The following LINGO2 variants were observed in gnomAD, a reference collection of about 807,000 sequenced individuals.
LINGO2 encodes leucine rich repeat and Ig domain containing 2, also known as leucine-rich repeat and immunoglobulin-like domain-containing nogo receptor-interacting protein 2.
LINGO2 carries 14 observed loss-of-function variants against 30.6 expected under a neutral mutation model. The ratio of observed to expected loss-of-function variants is 0.46; its 90% CI spans 0.30 to 0.72. LINGO2 has a LOEUF of 0.72. Among genes scored for constraint, LINGO2 ranks in the 30% least tolerant of loss-of-function variants. LINGO2 has a pLI of 0.07. For missense variants in LINGO2, 729 were observed against 751.7 expected, an observed-to-expected ratio of 0.97 and a Z score of 0.35; for synonymous variants, 317 against 288.5, an observed-to-expected ratio of 1.10 and a Z score of -1.00.
chr9:28,960,273 G>A, the LINGO2 span, among the ~76,000 whole-genome samples: 3,449 of 152,116 alleles, frequency 0.023, 134 homozygotes, highest in African/African-American at 0.078. Context: ...GCCAAGGCAC[G>A]AAGATTGCTT....
chr9:28,564,866 T>A (rs188653073), intron 1 of LINGO2, among the ~76,000 whole-genome samples: 153 of 152,184 alleles, frequency 1.0e-3, no homozygotes, highest in Admixed American at 5.6e-3. Context: ...GCTACGGTAT[T>A]GGACAGTGCC....
intron 1 of LINGO2, among the ~76,000 whole-genome samples, chr9:28,637,611 G>A (rs1340440684): frequency 6.6e-6 from 1 of 152,170 alleles, no homozygotes; most frequent in South Asian, 2.1e-4. Flanking sequence ...CTCATGATTT[G>A]GTTCTCTGTT....
At chr9:28,472,539 A>G (rs1023674104) in intron 2 of LINGO2, among the ~76,000 whole-genome samples, 4 of 152,154 alleles carry the variant, frequency 2.6e-5, no homozygotes, top group African/African-American at 9.6e-5. Flanking sequence ...TTAAAGAATA[A>G]GTAATTTCCA....
intron 4 of LINGO2, among the ~76,000 whole-genome samples, chr9:28,123,982 G>A (rs1037656872): frequency 7.2e-5 from 11 of 151,918 alleles, no homozygotes; most frequent in Non-Finnish European, 2.9e-5. Flanking sequence ...ATTCTTATAT[G>A]GAAAAAGCAC....
At chr9:28,676,993 T>G in the LINGO2 span, among the ~76,000 whole-genome samples, 15,636 of 152,174 alleles carry the variant, frequency 0.1, 1,022 homozygotes, top group East Asian at 0.2. Flanking sequence ...CTGTGTCTTG[T>G]ACAACATTAG....
intron 4 of LINGO2, among the ~76,000 whole-genome samples, chr9:28,022,072 A>T (rs1206512779): frequency 2.0e-5 from 3 of 151,974 alleles, no homozygotes; most frequent in Non-Finnish European, 2.9e-5. Flanking sequence ...ATTTAGTTGA[A>T]TATTTATATG....
the LINGO2 span, among the ~76,000 whole-genome samples, chr9:28,722,105 C>T: frequency 0.027 from 4,114 of 152,122 alleles, 201 homozygotes; most frequent in African/African-American, 0.091. Flanking sequence ...ATACAAGATA[C>T]ATTTTCTGCC....
chr9:27,999,106 T>C (rs943598383), intron 5 of LINGO2, among the ~76,000 whole-genome samples: 3 of 151,870 alleles, frequency 2.0e-5, no homozygotes, highest in Non-Finnish European at 4.4e-5. Flanking sequence ...AAATAATACC[T>C]GGAAGAAGAA....
At chr9:28,731,084 G>A in the LINGO2 span, among the ~76,000 whole-genome samples, 3 of 151,938 alleles carry the variant, frequency 2.0e-5, no homozygotes, top group East Asian at 1.9e-4. Flanking sequence ...TCTGCCTCCC[G>A]GATTGAAGCG....
the LINGO2 span, among the ~76,000 whole-genome samples, chr9:28,888,119 G>C: frequency 6.6e-6 from 1 of 152,058 alleles, no homozygotes. Flanking sequence ...GAATTTGAAA[G>C]TATTTAGGTA....
At chr9:27,995,579 A>G (rs376847390) in intron 5 of LINGO2, among the ~76,000 whole-genome samples, 1 of 152,196 alleles carries the variant, frequency 6.6e-6, no homozygotes, top group Non-Finnish European at 1.5e-5. Context: ...GGTTAATCAC[A>G]TTAGTAGAAT....
At chr9:28,561,020 G>A (rs907751900) in intron 1 of LINGO2, among the ~76,000 whole-genome samples, 3 of 152,054 alleles carry the variant, frequency 2.0e-5, no homozygotes, top group Admixed American at 6.5e-5. Flanking sequence ...AATACACAAC[G>A]AAGAGGACAC....
the LINGO2 span, among the ~76,000 whole-genome samples, chr9:29,132,881 C>T: frequency 2.7e-5 from 4 of 147,700 alleles, no homozygotes; most frequent in South Asian, 6.4e-4. Flanking sequence ...ACATGTAATC[C>T]TTTTTTTTTT....
chr9:29,000,712 A>G, the LINGO2 span, among the ~76,000 whole-genome samples: 13 of 152,094 alleles, frequency 8.5e-5, no homozygotes, highest in Non-Finnish European at 1.9e-4. Flanking sequence ...ACCATTAAAA[A>G]AAATTATCTC....
At chr9:28,372,956 T>C (rs1177559938) in intron 2 of LINGO2, 88 bp from the exon 5 acceptor site, 1 of 152,462 alleles carries the variant, frequency 6.6e-6, no homozygotes, top group African/African-American at 2.4e-5. Flanking sequence ...TTTTCTTTAT[T>C]TCTTTTAACT....
At chr9:28,340,934 A>T (rs1712998597) in intron 3 of LINGO2, among the ~76,000 whole-genome samples, 1 of 152,150 alleles carries the variant, frequency 6.6e-6, no homozygotes, top group Admixed American at 6.6e-5. Context: ...ATTCAAGAGC[A>T]CAGTGTATCT....
At chr9:28,947,090 C>A in the LINGO2 span, among the ~76,000 whole-genome samples, 1 of 151,952 alleles carries the variant, frequency 6.6e-6, no homozygotes, top group African/African-American at 2.4e-5. Context: ...CAAATGTCTT[C>A]TATGTAAAAA....
chr9:28,103,089 A>G (rs1413324652), intron 4 of LINGO2, among the ~76,000 whole-genome samples: 2 of 152,128 alleles, frequency 1.3e-5, no homozygotes, highest in African/African-American at 4.8e-5. Flanking sequence ...CATTCTTCCA[A>G]GTTTAGATTA....
intron 5 of LINGO2, among the ~76,000 whole-genome samples, chr9:27,951,368 G>C (rs182240179): frequency 6.6e-6 from 1 of 152,258 alleles, no homozygotes; most frequent in Admixed American, 6.5e-5. Flanking sequence ...GATCCTCAAA[G>C]TATCCCTGTA....
Sources: allele counts gnomAD v4.1 joint callset (sites outside exome capture counted in the v4.1 genomes callset), GRCh38; gene constraint gnomAD v4.1.1; transcripts MANE v1.5; gene names NCBI Gene and HGNC (gene_info 2026-07-23, HGNC 2026-07-21).